Variants in BRAP observed in about 807,000 individuals in gnomAD.
The protein encoded by BRAP is BRCA1 associated protein, also known as BRCA1-associated protein.
Under a neutral mutation model 73.4 loss-of-function variants are expected in BRAP, and 42 were observed. The ratio of observed to expected loss-of-function variants is 0.57; its 90% CI spans 0.45 to 0.74. The LOEUF (loss-of-function observed/expected upper bound fraction) is 0.74, where lower values mean the gene tolerates loss of function less well. BRAP is among the 30% of genes least tolerant of loss of function. The probability of loss-of-function intolerance (pLI) is 0.00; values close to 1 mark genes in which losing one functional copy is unlikely to be tolerated. For missense variants in BRAP, 593 were observed against 751.4 expected (o/e 0.79, Z 2.46); for synonymous variants, 255 against 267.4 (o/e 0.95, Z 0.45).
intron 11 of BRAP, among the ~76,000 whole-genome samples, chr12:111,645,713 A>G (rs1344993021): frequency 1.3e-5 from 2 of 152,196 alleles, no homozygotes; most frequent in African/African-American, 4.8e-5. Context: ...GCATTGGCTC[A>G]TGCTTGGAAT....
At chr12:111,649,307 C>T (rs957017640) in intron 11 of BRAP, among the ~76,000 whole-genome samples, 1 of 152,122 alleles carries the variant, frequency 6.6e-6, no homozygotes, top group Admixed American at 6.6e-5. Flanking sequence ...TATGCGCCAC[C>T]ATGCCCAGCT....
intron 5 of BRAP, among the ~76,000 whole-genome samples, chr12:111,672,326 T>C (rs537719169): frequency 6.6e-6 from 1 of 152,348 alleles, no homozygotes; most frequent in South Asian, 2.1e-4. Context: ...GCAGTATCTT[T>C]TTTCTTTTTT....
Position 111,644,102 on chromosome 12 carries a change from T to G in BRAP, c.*97A>C. 1.3e-6 allele frequency: 2 copies of G among 1,488,704 alleles called. No individual in the cohort carries two copies. The highest frequency in any genetic ancestry group is 2.5e-4 in the Middle Eastern group (1 of 4,006). 92.2% of individuals were successfully genotyped at this position (1,488,704 alleles called of 1,614,324 possible). On this transcript the variant is annotated 3_prime_UTR_variant, in exon 12 of 12. Transcript: ENST00000419234. ...ACAACTGTGGCTTGATCCTCACTTG[T>G]ACTTATTAGGGCCCACCCTCACATT...
chr12:111,675,954 T>C (rs975141925), intron 4 of BRAP, among the ~76,000 whole-genome samples: 14 of 152,104 alleles, frequency 9.2e-5, no homozygotes, highest in African/African-American at 2.4e-4. Context: ...TCCTATGTCC[T>C]GAAGAACTGT....
chr12:111,663,668 C>T (rs1478914640), intron 6 of BRAP, among the ~76,000 whole-genome samples: 9 of 152,136 alleles, frequency 5.9e-5, no homozygotes, highest in Admixed American at 5.9e-4. Context: ...CCAATCTCCA[C>T]CCTGAACCAC....
At chr12:111,671,991 G>A (rs1887194850) in intron 5 of BRAP, among the ~76,000 whole-genome samples, 1 of 152,188 alleles carries the variant, frequency 6.6e-6, no homozygotes, top group Admixed American at 6.6e-5. Flanking sequence ...CCAAAGAGCT[G>A]GGATTATAGG....
In BRAP at chr12:111,659,193, A is replaced by G. The variant is rs139612457; in HGVS notation, c.1111+14T>C. 1.9e-6 allele frequency: 3 copies of G among 1,610,802 alleles called. No individual in the cohort carries two copies. The highest frequency in any genetic ancestry group is 1.7e-5 in the Admixed American group (1 of 59,358). ...ACAGAATGAGTCCAAATTAGAAAAGAGAGTGGTATTCACCTCCAGCATAGT... is the reference window on the plus strand; with the variant it reads ...ACAGAATGAGTCCAAATTAGAAAAGGGAGTGGTATTCACCTCCAGCATAGT... On this transcript the variant is annotated intron_variant, in intron 8 of 11. Coordinates refer to ENST00000419234, the MANE Select transcript of BRAP (RefSeq NM_006768.5).
At position 111,679,460 on chromosome 12, in the gene BRAP, G is replaced by A. The variant is rs139379192; in HGVS notation, c.444-120C>T. The A allele has an allele frequency of 4.5e-4, 303 of 676,416 alleles. No individual in the cohort carries two copies. In the African/African-American group the frequency reaches 5.3e-3, roughly 12 times the overall value. 41.9% of individuals were successfully genotyped at this position (676,416 alleles called of 1,614,324 possible). A position where few individuals can be genotyped will look rare whatever the true frequency, so the allele number is the denominator to read the frequency against. On this transcript the variant is annotated intron_variant, in intron 3 of 11. Transcript: ENST00000419234. Reference sequence around the variant, plus strand: ...ATAAAAATTGTAATATTTCATTAATGAACTGTTCTATATTATACCCCCCAT... The same window carrying A: ...ATAAAAATTGTAATATTTCATTAATAAACTGTTCTATATTATACCCCCCAT...
At chr12:111,646,655 C>A (rs927400525) in intron 11 of BRAP, among the ~76,000 whole-genome samples, 4 of 151,996 alleles carry the variant, frequency 2.6e-5, no homozygotes, top group African/African-American at 9.7e-5. Context: ...TGCCTGTAAT[C>A]CCAGCTACTC....
intron 6 of BRAP, among the ~76,000 whole-genome samples, chr12:111,664,949 G>C (rs1886885504): frequency 1.3e-5 from 2 of 152,300 alleles, no homozygotes; most frequent in East Asian, 1.9e-4. Context: ...GGTTATGGCT[G>C]TGATTTATTT....
chr12:111,685,652 G>C (rs2135935766), intron 1 of BRAP, 59 bp downstream of exon 1: 3 of 1,548,420 alleles, frequency 1.9e-6, no homozygotes, highest in East Asian at 2.4e-5. Context: ...GCTTTGGGAA[G>C]GGAAGCCCTC....
In BRAP at chr12:111,644,331, C is replaced by T. The variant is rs1463604031; in HGVS notation, c.1647G>A (p.Leu549=). ...YLETQQKINH[L]PAETRQEIQE... ...GGATTTCCTGCCGGGTCTCGGCAGG[C>T]AGATGGTTGATCTTCTGCTGTGTCT... Residue 549 remains leucine (L), a synonymous_variant, in exon 12 of 12, where the codon CTG becomes CTA. Coordinates refer to ENST00000419234, the MANE Select transcript of BRAP (RefSeq NM_006768.5). 4 of 1,614,094 alleles carry T rather than the reference C, an allele frequency of 2.5e-6. No individual in the cohort carries two copies. In the South Asian group the frequency reaches 4.4e-5, roughly 18 times the overall value.
chr12:111,670,200 G>A (rs1887112955), intron 5 of BRAP: 3 of 610,326 alleles, frequency 4.9e-6, no homozygotes, highest in Non-Finnish European at 9.6e-6. Context: ...TTTGTTGGGA[G>A]GTCTGCAGCT....
rs1045496648 is a variant in BRAP, at chr12:111,656,190, T to A, written c.1222-535A>T. On this transcript the variant is annotated intron_variant, in intron 9 of 11. Coordinates refer to ENST00000419234, the MANE Select transcript of BRAP (RefSeq NM_006768.5). ...TCTCCAGTGCCTGGCACATGGTGGA[T>A]GTCGAGAATTGTTTGCTGCATGACT... 6.6e-5 allele frequency among the ~76,000 whole-genome samples: 10 copies of A among 152,324 alleles called. 1 individual carries two copies. The highest frequency in any genetic ancestry group is 1.2e-4 in the Non-Finnish European group (8 of 68,024).
intron 10 of BRAP, 43 bp from the exon 11 acceptor site, chr12:111,650,085 T>C: frequency 7.2e-7 from 1 of 1,397,168 alleles, no homozygotes; most frequent in South Asian, 1.2e-5. Context: ...ACAAAGGTAA[T>C]GTGGTGTGCT....
chr12:111,648,770 CA>C (rs557255995), intron 11 of BRAP, among the ~76,000 whole-genome samples: 2,346 of 151,286 alleles, frequency 0.016, 70 homozygotes, highest in African/African-American at 0.054. Flanking sequence ...ACTAAAAATA[CA>C]AAAAAATTAG....
chr12:111,665,916 C>T lies in BRAP; in HGVS notation c.748-129G>A. On this transcript the variant is annotated intron_variant, in intron 5 of 11. Coordinates refer to ENST00000419234, the MANE Select transcript of BRAP (RefSeq NM_006768.5). The surrounding 1 kb of genome is among the most constrained non-coding windows in gnomAD (Gnocchi z 4.3). Reference sequence around the variant, plus strand: ...GGAGCCCAGTGGCGCAATCATGGCTCATTACAGCCTTGACCTCCCAGGCTC... The same window carrying T: ...GGAGCCCAGTGGCGCAATCATGGCTTATTACAGCCTTGACCTCCCAGGCTC... 1 of 1,282,638 alleles carries T rather than the reference C, an allele frequency of 7.8e-7. No individual in the cohort carries two copies. Among genetic ancestry groups the T allele is most frequent in the South Asian group, 1.4e-5 (1 of 70,786 alleles). The allele number at this position is 1,282,638 out of a possible 1,614,324, so 79.5% of individuals were successfully genotyped here. A position where few individuals can be genotyped will look rare whatever the true frequency, so the allele number is the denominator to read the frequency against.
In BRAP at chr12:111,655,606, T is replaced by G; in HGVS notation, c.1271A>C (p.Glu424Ala). 1 of 1,613,938 alleles carries G rather than the reference T, an allele frequency of 6.2e-7. No homozygotes were observed. The highest frequency in any genetic ancestry group is 8.5e-7 in the Non-Finnish European group (1 of 1,179,848). ...SQLESQRIYW[E>A]NKIVRIEKDT... ...CTTCTCTATCCGAACTATCTTGTTT[T>G]CCCAGTAGATTCGCTGAGATTCCAG... The change falls in exon 10 of 12, where the codon GAA becomes GCA. Residue 424 changes from glutamate (E) to alanine (A), a missense_variant. Around this residue, in one of 4 missense-constraint regions of BRAP, gnomAD observed 143 missense variants for 190.4 expected, o/e 0.75. Coordinates refer to ENST00000419234, the MANE Select transcript of BRAP (RefSeq NM_006768.5).
At chr12:111,654,577 A>C (rs1464204300) in intron 10 of BRAP, among the ~76,000 whole-genome samples, 1 of 152,142 alleles carries the variant, frequency 6.6e-6, no homozygotes, top group East Asian at 1.9e-4. Context: ...CGGCCTCCCA[A>C]AGTGCTGGGA....
Sources: gnomAD v4.1 joint callset for allele counts (sites outside exome capture counted in the v4.1 genomes callset) on GRCh38, gnomAD v4.1.1 for gene constraint, gnomAD v4.1.1 regional missense constraint, Gnocchi (gnomAD v3.1) non-coding constraint, MANE v1.5 for transcripts, NCBI Gene and HGNC (gene_info 2026-07-23, HGNC 2026-07-21) for gene names.